Variants in CECR2 observed in about 807,000 individuals in gnomAD.
CECR2 encodes the protein chromatin remodeling regulator CECR2.
Under a neutral mutation model 154.5 loss-of-function variants are expected in CECR2, and 30 were observed. That is an observed-to-expected ratio of 0.19 (90% CI 0.15 to 0.26). The LOEUF (loss-of-function observed/expected upper bound fraction) is 0.26. Ranked by LOEUF, CECR2 falls within the 10% of genes least tolerant of loss-of-function variation. The pLI is 1.00. For missense variants in CECR2, 1,743 were observed against 1,829.3 expected (o/e 0.95, Z 0.86); for synonymous variants, 725 against 683.7 (o/e 1.06, Z -0.94).
chr22:17,382,181 TGC>T, intron 1 of CECR2, among the ~76,000 whole-genome samples: 1 of 151,664 alleles, frequency 6.6e-6, no homozygotes, highest in South Asian at 2.1e-4. Flanking sequence ...TGAGCCACTG[TGC>T]CCGGCCAGAG....
At chr22:17,412,832 C>T (rs964685836) in intron 1 of CECR2, among the ~76,000 whole-genome samples, 13 of 152,164 alleles carry the variant, frequency 8.5e-5, no homozygotes. Context: ...CGTGCAGAGC[C>T]GCCCCTTTCC....
Position 17,465,719 on chromosome 22 carries a change from G to A in CECR2, c.127-11869G>A, listed in dbSNP as rs545946360. Among the ~76,000 whole-genome samples, 14 of 151,904 alleles carry A rather than the reference G, an allele frequency of 9.2e-5. No homozygotes were observed. The East Asian group carries it at 2.1e-3, about 23-fold the overall frequency. On this transcript the variant is annotated intron_variant, in intron 1 of 18. Coordinates refer to ENST00000262608, the MANE Select transcript of CECR2 (RefSeq NM_001290047.2). ...AGGCTGGTCATGAACTCCTGACCTCGTGATCCCCCCGCCTCAGCCTCCCAA... is the reference window on the plus strand; with the variant it reads ...AGGCTGGTCATGAACTCCTGACCTCATGATCCCCCCGCCTCAGCCTCCCAA...
intron 2 of CECR2, among the ~76,000 whole-genome samples, chr22:17,491,553 A>G (rs558912223): frequency 2.6e-5 from 3 of 117,592 alleles, no homozygotes; most frequent in African/African-American, 9.9e-5. Flanking sequence ...TATTTCCACT[A>G]TTGGCTTCTT....
chr22:17,477,718 C>T, intron 2 of CECR2, 36 bp downstream of exon 2: 1 of 1,424,462 alleles, frequency 7.0e-7, no homozygotes, highest in Middle Eastern at 1.7e-4. Flanking sequence ...ATTTCTTGCG[C>T]CAAGAACTAA....
chr22:17,448,449 C>T (rs1034513716), intron 1 of CECR2, among the ~76,000 whole-genome samples: 6 of 152,166 alleles, frequency 3.9e-5, no homozygotes, highest in African/African-American at 1.2e-4. Context: ...CATCAACTAG[C>T]AGTAGTTGCC....
chr22:17,448,122 C>T (rs2518749), intron 1 of CECR2, among the ~76,000 whole-genome samples: 14,729 of 152,114 alleles, frequency 0.097, 940 homozygotes, highest in Non-Finnish European at 0.15. Flanking sequence ...CTGCCGGTAA[C>T]GTCTGTATTT....
chr22:17,474,181 A>G (rs1314249886), intron 1 of CECR2, among the ~76,000 whole-genome samples: 1 of 152,204 alleles, frequency 6.6e-6, no homozygotes. Context: ...GGGTAAGTTC[A>G]GCAATGTCTT....
intron 10 of CECR2, 49 bp from the exon 11 acceptor site, chr22:17,538,471 A>G: frequency 6.5e-7 from 1 of 1,540,360 alleles, no homozygotes. Context: ...AGAGCTCAGG[A>G]GAGAAGGTGG....
chr22:17,486,830 G>A (rs2522301), intron 2 of CECR2, among the ~76,000 whole-genome samples: 33,244 of 152,112 alleles, frequency 0.22, 3,746 homozygotes, highest in African/African-American at 0.29. Context: ...GAATAAGCGC[G>A]AGTGGTGATT....
chr22:17,522,989 A>G (rs1368733217), intron 8 of CECR2, among the ~76,000 whole-genome samples: 1 of 149,526 alleles, frequency 6.7e-6, no homozygotes. Context: ...TTGGTGACAA[A>G]GCAAGACTCC....
Position 17,464,484 on chromosome 22 carries a change from G to A in CECR2, c.127-13104G>A, listed in dbSNP as rs115606426. Among the ~76,000 whole-genome samples the A allele has an allele frequency of 6.4e-3, 972 of 152,154 alleles. 8 individuals carry two copies. The highest frequency in any genetic ancestry group is 0.022 in the African/African-American group (922 of 41,488). On this transcript the variant is annotated intron_variant, in intron 1 of 18. Transcript: ENST00000262608. ...TTGTTATGCTTATTACATTTTTAAGGAATAAAAGTCTTTTTTTTCTTTTGA... is the reference window on the plus strand; with the variant it reads ...TTGTTATGCTTATTACATTTTTAAGAAATAAAAGTCTTTTTTTTCTTTTGA...
chr22:17,470,410 A>G (rs556480935), intron 1 of CECR2, among the ~76,000 whole-genome samples: 440 of 142,458 alleles, frequency 3.1e-3, no homozygotes, highest in African/African-American at 0.011. Context: ...AAAAAAAAAG[A>G]AAAAAAAATT....
chr22:17,363,628 C>T (rs893836028), intron 1 of CECR2, among the ~76,000 whole-genome samples: 8 of 152,088 alleles, frequency 5.3e-5, no homozygotes, highest in African/African-American at 1.9e-4. Context: ...CAGGCATGAG[C>T]CACCATACCT....
chr22:17,445,105 T>C (rs1041839297), intron 1 of CECR2, among the ~76,000 whole-genome samples: 26 of 152,256 alleles, frequency 1.7e-4, no homozygotes, highest in African/African-American at 6.3e-4. Context: ...AATTTGGATT[T>C]GTTAGACTAT....
In CECR2 at chr22:17,552,891, G is replaced by C. The variant is rs1029214007; in HGVS notation, c.*51G>C. The stretch of plus-strand genomic sequence containing the variant: ...AATGGAAAGCTGCACACGAAGACTG[G>C]AATGTGGAGAACTGGGGAGTGCCCT... On this transcript the variant is annotated 3_prime_UTR_variant, in exon 19 of 19. Coordinates refer to ENST00000262608, the MANE Select transcript of CECR2 (RefSeq NM_001290047.2). The C allele has an allele frequency of 5.3e-5, 82 of 1,546,274 alleles. No individual in the cohort carries two copies. Among genetic ancestry groups the C allele is most frequent in the Non-Finnish European group, 6.7e-5 (77 of 1,144,740 alleles).
chr22:17,418,960 A>G lies in CECR2; in HGVS notation c.126+49051A>G, dbSNP rs184787199. ...CAGCGAGAGGCTGGAGCTGGAGCCT[A>G]TCGGCTGGGCCCCGCCTCGCCTCAG... On this transcript the variant is annotated intron_variant, in intron 1 of 18. Transcript: ENST00000262608. 354 of 205,824 alleles carry G rather than the reference A, an allele frequency of 1.7e-3. 2 individuals carry two copies. Among genetic ancestry groups the G allele is most frequent in the African/African-American group, 8.0e-3 (340 of 42,544 alleles). 12.7% of individuals were successfully genotyped at this position (205,824 alleles called of 1,614,324 possible). A position where few individuals can be genotyped will look rare whatever the true frequency, so the allele number is the denominator to read the frequency against.
intron 1 of CECR2, among the ~76,000 whole-genome samples, chr22:17,370,500 T>C (rs1294604029): frequency 6.6e-6 from 1 of 152,078 alleles, no homozygotes; most frequent in African/African-American, 2.4e-5. Flanking sequence ...CGCGGGGCTC[T>C]GGAGGTGTGG....
At chr22:17,414,036 A>ACG (rs2054110501) in intron 1 of CECR2, among the ~76,000 whole-genome samples, 2 of 126,754 alleles carry the variant, frequency 1.6e-5, no homozygotes, top group Non-Finnish European at 3.4e-5. Flanking sequence ...GTGGTGGTGC[A>ACG]ATCTCCGCTC....
chr22:17,384,080 G>C (rs2063232402), intron 1 of CECR2, among the ~76,000 whole-genome samples: 1 of 152,106 alleles, frequency 6.6e-6, no homozygotes, highest in African/African-American at 2.4e-5. Flanking sequence ...GTTGGAATCA[G>C]CTTCTTCCAA....
Sources: gnomAD v4.1 joint callset for allele counts (sites outside exome capture counted in the v4.1 genomes callset) on GRCh38, gnomAD v4.1.1 for gene constraint, MANE v1.5 for transcripts, NCBI Gene and HGNC (gene_info 2026-07-23, HGNC 2026-07-21) for gene names.